Variants in CACNB4 observed in about 807,000 individuals in gnomAD.
CACNB4 encodes the protein calcium voltage-gated channel auxiliary subunit beta 4.
Under a neutral mutation model 71.2 loss-of-function variants are expected in CACNB4, and 32 were observed. That is an observed-to-expected ratio of 0.45 (90% CI 0.34 to 0.60). The LOEUF is 0.60. Ranked by LOEUF, CACNB4 falls within the 20% of genes least tolerant of loss-of-function variation. The pLI is 0.01. For missense variants in CACNB4, 464 were observed against 647.9 expected (o/e 0.72, Z 3.08); for synonymous variants, 231 against 236.9 (o/e 0.97, Z 0.23).
intron 9 of CACNB4, among the ~76,000 whole-genome samples, chr2:151,862,300 A>C (rs1212540099): frequency 6.6e-6 from 1 of 152,188 alleles, no homozygotes; most frequent in Non-Finnish European, 1.5e-5. Flanking sequence ...AGAGAATTTA[A>C]AATAGTCCTT....
chr2:151,887,848 A>C (rs778519626), intron 2 of CACNB4, among the ~76,000 whole-genome samples: 1 of 152,190 alleles, frequency 6.6e-6, no homozygotes, highest in Non-Finnish European at 1.5e-5. Flanking sequence ...AATTCGGAAA[A>C]TACCAGCAAT....
intron 2 of CACNB4, among the ~76,000 whole-genome samples, chr2:151,956,445 C>T (rs1399705240): frequency 1.3e-5 from 2 of 152,210 alleles, no homozygotes; most frequent in Non-Finnish European, 2.9e-5. Context: ...CTACAAAAGG[C>T]TGTCTATTGT....
At chr2:151,907,771 C>T (rs534632297) in intron 2 of CACNB4, among the ~76,000 whole-genome samples, 34 of 152,318 alleles carry the variant, frequency 2.2e-4, no homozygotes, top group African/African-American at 7.7e-4. Flanking sequence ...TAGGCCGGCC[C>T]TCCTTTCCTG....
chr2:152,047,517 G>C (rs974346321), intron 2 of CACNB4, among the ~76,000 whole-genome samples: 4 of 152,170 alleles, frequency 2.6e-5, no homozygotes, highest in African/African-American at 7.2e-5. Context: ...GGCCAAACCA[G>C]TGTATAATAC....
intron 2 of CACNB4, among the ~76,000 whole-genome samples, chr2:152,048,049 T>C (rs1685225668): frequency 6.6e-6 from 1 of 152,206 alleles, no homozygotes; most frequent in South Asian, 2.1e-4. Context: ...AGTGTTTGGA[T>C]TTTTGTGCAT....
chr2:152,056,990 T>C (rs1287196739), intron 2 of CACNB4, among the ~76,000 whole-genome samples: 1 of 152,108 alleles, frequency 6.6e-6, no homozygotes, highest in Non-Finnish European at 1.5e-5. Flanking sequence ...CCTCCCAGTA[T>C]TCCTAGTCAT....
At chr2:152,069,678 T>C (rs370013233) in intron 2 of CACNB4, among the ~76,000 whole-genome samples, 47 of 152,132 alleles carry the variant, frequency 3.1e-4, no homozygotes, top group African/African-American at 1.0e-3. Context: ...AACTCTCAGG[T>C]GATCTTGTCA....
chr2:151,957,257 CGT>C (rs1553791572), intron 2 of CACNB4, among the ~76,000 whole-genome samples: 1,885 of 131,790 alleles, frequency 0.014, 25 homozygotes, highest in African/African-American at 0.039. Flanking sequence ...AGTGGCTGGG[CGT>C]GTGTGTGTGT....
chr2:151,866,358 T>A (rs1382373666), intron 9 of CACNB4: 4 of 152,222 alleles, frequency 2.6e-5, no homozygotes, highest in Non-Finnish European at 5.9e-5. Context: ...TAGGACTTTC[T>A]CCTATTTTGT....
chr2:152,017,863 C>T (rs544100276), intron 2 of CACNB4, among the ~76,000 whole-genome samples: 9 of 150,090 alleles, frequency 6.0e-5, no homozygotes, highest in Non-Finnish European at 1.2e-4. Context: ...TATGGAATTT[C>T]GCTCTTTTGC....
At chr2:151,923,365 G>C (rs1179068534) in intron 2 of CACNB4, among the ~76,000 whole-genome samples, 2 of 152,110 alleles carry the variant, frequency 1.3e-5, no homozygotes, top group Non-Finnish European at 2.9e-5. Context: ...ATCCCATCTT[G>C]GTCTTTATTT....
intron 2 of CACNB4, among the ~76,000 whole-genome samples, chr2:151,888,136 CT>C (rs749145308): frequency 6.6e-5 from 10 of 152,216 alleles, no homozygotes; most frequent in Non-Finnish European, 1.5e-4. Context: ...CAGCTCGGGA[CT>C]AGGCATCTAC....
At chr2:152,046,328 A>G (rs565901725) in intron 2 of CACNB4, among the ~76,000 whole-genome samples, 1 of 152,312 alleles carries the variant, frequency 6.6e-6, no homozygotes, top group East Asian at 1.9e-4. Flanking sequence ...ACAAATGCAC[A>G]CTGTGGCTCA....
intron 2 of CACNB4, among the ~76,000 whole-genome samples, chr2:151,940,939 T>A (rs1227744445): frequency 6.6e-6 from 1 of 152,186 alleles, no homozygotes; most frequent in East Asian, 1.9e-4. Flanking sequence ...GACATTTCCT[T>A]GCAGGTAGTA....
Position 152,098,976 on chromosome 2 carries a change from C to A in CACNB4, c.36G>T (p.Ala12=). The part of the protein sequence containing the change: ...SSSSYAKNGT[A]DGPHSPTSQV... The stretch of plus-strand genomic sequence containing the variant: ...GCGAGGTGGGGGAGTGCGGCCCGTC[C>A]GCGGTCCCGTTCTTGGCGTAGGAGG... Residue 12 remains alanine, a synonymous_variant, in exon 1 of 14, where the codon GCG becomes GCT. Coordinates refer to ENST00000539935, the MANE Select transcript of CACNB4 (RefSeq NM_000726.5). This position sits in a 1 kb window ranked among gnomAD's most constrained non-coding sequence, Gnocchi z 5.3. The A allele has an allele frequency of 1.3e-6, 2 of 1,530,906 alleles. No homozygotes were observed. Among genetic ancestry groups the A allele is most frequent in the Admixed American group, 2.3e-5 (1 of 44,302 alleles). The allele number at this position is 1,530,906 out of a possible 1,614,324, so 94.8% of individuals were successfully genotyped here.
Position 152,098,533 on chromosome 2 carries a change from ACCCAAGTCTCCTCCGCGACT to A in CACNB4, c.64-140_64-121del. ...CTCCCTGGGGTCCCCTAGAGCCCGC[ACCCAAGTCTCCTCCGCGACT>A]CCCAAATACAGCCCCCACCCCCACC... On this transcript the variant is annotated intron_variant, in intron 1 of 13. Coordinates refer to ENST00000539935, the MANE Select transcript of CACNB4 (RefSeq NM_000726.5). The surrounding 1 kb of genome is among the most constrained non-coding windows in gnomAD (Gnocchi z 5.3). 7.4e-7 allele frequency: 1 copy of A among 1,357,070 alleles called. No individual in the cohort carries two copies. The highest frequency in any genetic ancestry group is 1.0e-6 in the Non-Finnish European group (1 of 958,478). The allele number at this position is 1,357,070 out of a possible 1,614,324, so 84.1% of individuals were successfully genotyped here. A position where few individuals can be genotyped will look rare whatever the true frequency, so the allele number is the denominator to read the frequency against.
intron 3 of CACNB4, among the ~76,000 whole-genome samples, chr2:151,881,925 G>A (rs1037230757): frequency 9.0e-5 from 13 of 144,766 alleles, no homozygotes; most frequent in African/African-American, 3.1e-4. Flanking sequence ...CTGTTGCCCA[G>A]GCTGGAATGC....
intron 2 of CACNB4, among the ~76,000 whole-genome samples, chr2:151,986,857 A>G (rs1204764306): frequency 6.6e-6 from 1 of 152,160 alleles, no homozygotes; most frequent in Non-Finnish European, 1.5e-5. Context: ...GGGGGGAGTC[A>G]CACATTGAAT....
intron 10 of CACNB4, chr2:151,856,982 G>C (rs919237520): frequency 6.6e-6 from 1 of 152,144 alleles, no homozygotes; most frequent in African/African-American, 2.4e-5. Flanking sequence ...TGAAGTGTTG[G>C]CATCACAGGT....
Sources: allele counts gnomAD v4.1 joint callset (sites outside exome capture counted in the v4.1 genomes callset), GRCh38; gene constraint gnomAD v4.1.1; non-coding constraint Gnocchi (gnomAD v3.1); transcripts MANE v1.5; gene names NCBI Gene and HGNC (gene_info 2026-07-23, HGNC 2026-07-21).